The following PDE4D variants were observed in gnomAD, a reference collection of about 807,000 sequenced individuals.
PDE4D encodes the protein 3',5'-cyclic-AMP phosphodiesterase 4D.
A neutral mutation model predicts 87.4 loss-of-function variants in PDE4D; 24 were observed. That is an observed-to-expected ratio of 0.27 (90% CI 0.20 to 0.39). The LOEUF (loss-of-function observed/expected upper bound fraction) is 0.39, where lower values mean the gene tolerates loss of function less well. Among genes scored for constraint, PDE4D ranks in the 10% least tolerant of loss-of-function variants. PDE4D has a pLI of 1.00. For missense variants in PDE4D, 714 were observed against 1,041.0 expected, an observed-to-expected ratio of 0.69 and a Z score of 4.32; for synonymous variants, 384 against 383.2, an observed-to-expected ratio of 1.00 and a Z score of -0.02.
At chr5:59,161,565 G>A (rs1781102029) in intron 5 of PDE4D, among the ~76,000 whole-genome samples, 1 of 152,134 alleles carries the variant, frequency 6.6e-6, no homozygotes, top group African/African-American at 2.4e-5. Flanking sequence ...CAGACTTAAG[G>A]TCTGTGGTGA....
intron 1 of PDE4D, among the ~76,000 whole-genome samples, chr5:59,771,202 CT>C (rs1180429017): frequency 6.6e-6 from 1 of 150,494 alleles, no homozygotes; most frequent in East Asian, 1.9e-4. Flanking sequence ...TATATCTGCC[CT>C]TGGGGAGCTT....
chr5:59,229,461 T>A (rs991134867), intron 1 of PDE4D, among the ~76,000 whole-genome samples: 2 of 152,198 alleles, frequency 1.3e-5, no homozygotes, highest in Non-Finnish European at 2.9e-5. Flanking sequence ...GGGGTTATTT[T>A]GAATATCCTT....
intron 1 of PDE4D, among the ~76,000 whole-genome samples, chr5:59,711,829 T>C (rs1231662020): frequency 6.6e-6 from 1 of 152,174 alleles, no homozygotes; most frequent in Non-Finnish European, 1.5e-5. Flanking sequence ...AAAGGTTATA[T>C]AATGTTCAGA....
intron 1 of PDE4D, among the ~76,000 whole-genome samples, chr5:59,713,952 T>G (rs1403066938): frequency 2.6e-5 from 4 of 152,130 alleles, no homozygotes; most frequent in Non-Finnish European, 4.4e-5. Flanking sequence ...GAGGCTGCCA[T>G]GAATGGGGAT....
intron 1 of PDE4D, among the ~76,000 whole-genome samples, chr5:60,361,523 A>G (rs1760067516): frequency 6.6e-6 from 1 of 152,224 alleles, no homozygotes; most frequent in Non-Finnish European, 1.5e-5. Flanking sequence ...ACAAATACTA[A>G]GTAAATATCA....
At chr5:59,403,334 A>T (rs1204516192) in intron 1 of PDE4D, among the ~76,000 whole-genome samples, 2 of 152,188 alleles carry the variant, frequency 1.3e-5, no homozygotes, top group South Asian at 2.1e-4. Context: ...TTATTTTGAG[A>T]TGTATGATAA....
At chr5:59,039,475 G>C in intron 5 of PDE4D, 5 of 986,552 alleles carry the variant, frequency 5.1e-6, no homozygotes, top group Non-Finnish European at 6.0e-6. Flanking sequence ...GGCACTTGAA[G>C]TGAATGAATC....
chr5:59,040,401 T>G lies in PDE4D; in HGVS notation c.809-1430A>C, dbSNP rs77328961. Reference sequence around the variant, plus strand: ...AAAGAACCACATGGTAAGGAGAATTTACGCATGTCCTGCATACTACTCCTT... The same window carrying G: ...AAAGAACCACATGGTAAGGAGAATTGACGCATGTCCTGCATACTACTCCTT... On this transcript the variant is annotated intron_variant, in intron 5 of 14. Coordinates refer to ENST00000340635, the MANE Select transcript of PDE4D (RefSeq NM_001104631.2). Among the ~76,000 whole-genome samples the G allele has an allele frequency of 2.8e-3, 425 of 152,348 alleles. 4 individuals are homozygous for G. The East Asian group carries it at 0.044, about 16-fold the overall frequency.
At chr5:59,382,955 A>G (rs1431678312) in intron 1 of PDE4D, among the ~76,000 whole-genome samples, 1 of 152,192 alleles carries the variant, frequency 6.6e-6, no homozygotes, top group Non-Finnish European at 1.5e-5. Flanking sequence ...CCATCCTGTA[A>G]GCTTTATTTT....
intron 1 of PDE4D, among the ~76,000 whole-genome samples, chr5:59,733,816 TAA>T (rs1413935862): frequency 4.6e-5 from 7 of 152,100 alleles, no homozygotes; most frequent in South Asian, 2.1e-4. Context: ...ATTAAGCATA[TAA>T]GTTAGAAAAT....
At chr5:59,881,716 C>CA (rs1749455949) in intron 1 of PDE4D, among the ~76,000 whole-genome samples, 1 of 152,070 alleles carries the variant, frequency 6.6e-6, no homozygotes, top group Non-Finnish European at 1.5e-5. Context: ...GAAAAATTGA[C>CA]AGAGTCATTA....
At chr5:59,446,763 G>T (rs1447714496) in intron 1 of PDE4D, among the ~76,000 whole-genome samples, 1 of 152,210 alleles carries the variant, frequency 6.6e-6, no homozygotes, top group Non-Finnish European at 1.5e-5. Context: ...TAATGGGTAA[G>T]TTCTGCTGTG....
chr5:59,251,147 C>G (rs889968118), intron 1 of PDE4D, among the ~76,000 whole-genome samples: 3 of 152,104 alleles, frequency 2.0e-5, no homozygotes, highest in Admixed American at 6.6e-5. Context: ...ACACCAAAAG[C>G]AATCACAATA....
intron 1 of PDE4D, among the ~76,000 whole-genome samples, chr5:59,637,759 G>C (rs551071008): frequency 1.3e-3 from 200 of 152,164 alleles, no homozygotes; most frequent in African/African-American, 4.5e-3. Flanking sequence ...CGGGGGGTTG[G>C]GGGCAAGGGA....
chr5:60,129,803 G>C (rs1025255571), intron 2 of PDE4D, among the ~76,000 whole-genome samples: 11 of 152,016 alleles, frequency 7.2e-5, no homozygotes, highest in Non-Finnish European at 1.5e-4. Flanking sequence ...TTTTTATTGT[G>C]TCATATAGAT....
intron 1 of PDE4D, among the ~76,000 whole-genome samples, chr5:59,220,707 C>T (rs1027813954): frequency 6.6e-6 from 1 of 151,922 alleles, no homozygotes; most frequent in Non-Finnish European, 1.5e-5. Context: ...TATCAATAGT[C>T]CACATCGTGG....
intron 1 of PDE4D, among the ~76,000 whole-genome samples, chr5:59,772,485 T>C (rs1446147821): frequency 6.6e-6 from 1 of 152,238 alleles, no homozygotes; most frequent in Admixed American, 6.5e-5. Flanking sequence ...TTTCAAAATT[T>C]GTGGGATTTT....
At chr5:59,317,811 TG>T (rs1287857523) in intron 1 of PDE4D, among the ~76,000 whole-genome samples, 1 of 152,132 alleles carries the variant, frequency 6.6e-6, no homozygotes, top group Non-Finnish European at 1.5e-5. Flanking sequence ...GTTATGCAGC[TG>T]GATGTTCTCA....
intron 1 of PDE4D, among the ~76,000 whole-genome samples, chr5:59,849,511 C>A (rs1311012100): frequency 6.6e-6 from 1 of 151,704 alleles, no homozygotes; most frequent in Non-Finnish European, 1.5e-5. Flanking sequence ...TATGAGTGTC[C>A]CCTGTGAGCT....
Sources: allele counts gnomAD v4.1 joint callset (sites outside exome capture counted in the v4.1 genomes callset), GRCh38; gene constraint gnomAD v4.1.1; transcripts MANE v1.5; gene names NCBI Gene and HGNC (gene_info 2026-07-23, HGNC 2026-07-21).